BLM: variants seen among roughly 807,000 people sequenced by gnomAD.
The protein encoded by BLM is recQ-like DNA helicase BLM.
BLM carries 95 observed loss-of-function variants against 135.3 expected under a neutral mutation model. The observed-to-expected ratio is 0.70, with a 90% CI of 0.59 to 0.83. The LOEUF is 0.83. Among genes scored for constraint, BLM ranks in the 40% least tolerant of loss-of-function variants. The pLI is 0.00. For missense variants in BLM, 1,518 were observed against 1,663.9 expected, an observed-to-expected ratio of 0.91 and a Z score of 1.53; for synonymous variants, 520 against 589.2, an observed-to-expected ratio of 0.88 and a Z score of 1.70.
chr15:90,758,308 G>A (rs976552359), intron 5 of BLM, among the ~76,000 whole-genome samples: 5 of 152,058 alleles, frequency 3.3e-5, no homozygotes, highest in African/African-American at 1.2e-4. Flanking sequence ...GCCCAATGTG[G>A]CAAATCCCCA....
chr15:90,808,948 T>C (rs568127364), intron 19 of BLM, 189 bp from the exon 20 acceptor site: 3 of 717,554 alleles, frequency 4.2e-6, no homozygotes, highest in Non-Finnish European at 7.1e-6. Context: ...GATGGTGGGT[T>C]CCTGCCCTCT....
intron 19 of BLM, among the ~76,000 whole-genome samples, chr15:90,805,532 G>A (rs1329466185): frequency 6.6e-6 from 1 of 151,956 alleles, no homozygotes; most frequent in South Asian, 2.1e-4. Context: ...GCTCACGCCT[G>A]TAATCACAGC....
intron 10 of BLM, 22 bp from the exon 11 acceptor site, chr15:90,769,111 G>T (rs1351321599): frequency 6.5e-7 from 1 of 1,527,516 alleles, no homozygotes; most frequent in Non-Finnish European, 9.1e-7. Context: ...GTTTTTACAT[G>T]TCTAATGTAT....
chr15:90,810,393 T>A (rs892250409), intron 20 of BLM, among the ~76,000 whole-genome samples: 11 of 152,146 alleles, frequency 7.2e-5, no homozygotes, highest in Non-Finnish European at 1.0e-4. Flanking sequence ...ATTAGTCCAT[T>A]AAAAGCCTTG....
chr15:90,785,685 A>C lies in BLM; in HGVS notation c.2823+604A>C, dbSNP rs186118127. Reference sequence around the variant, plus strand: ...CAGCCTCCTGAGTAGATGGGATTACAGATGTGCGCCACCATGGCCAGCTGA... The same window carrying C: ...CAGCCTCCTGAGTAGATGGGATTACCGATGTGCGCCACCATGGCCAGCTGA... On this transcript the variant is annotated intron_variant, in intron 14 of 21. Transcript: ENST00000355112. Among the ~76,000 whole-genome samples, 196 of 152,142 alleles carry C rather than the reference A, an allele frequency of 1.3e-3. 7 individuals are homozygous for C. In the South Asian group the frequency reaches 0.032, roughly 25 times the overall value.
Position 90,815,596 on chromosome 15 carries a change from C to A in BLM, c.*317C>A. 2.8e-6 allele frequency: 1 copy of A among 356,142 alleles called. No individual in the cohort carries two copies. Among genetic ancestry groups the A allele is most frequent in the Non-Finnish European group, 5.2e-6 (1 of 193,746 alleles). 22.1% of individuals were successfully genotyped at this position (356,142 alleles called of 1,614,324 possible). On this transcript the variant is annotated 3_prime_UTR_variant, in exon 22 of 22. Transcript: ENST00000355112. The surrounding 1 kb of genome is among the most constrained non-coding windows in gnomAD (Gnocchi z 4.6). ...GCCAAAGGAAGAGCCACGCGTGGGC[C>A]CTTGTGAAACTAAAGCTTTTCGTGT...
chr15:90,732,631 T>C lies in BLM; in HGVS notation c.-4-14758T>C, dbSNP rs181667378. ...GTAAGGCACTAGTCAGGGGAAAATT[T>C]ATAATCTTCAGTACATATTATAAAT... On this transcript the variant is annotated intron_variant, in intron 1 of 21. Transcript: ENST00000355112. Among the ~76,000 whole-genome samples, 139 of 150,038 alleles carry C rather than the reference T, an allele frequency of 9.3e-4. 1 individual carries two copies. The highest frequency in any genetic ancestry group is 3.3e-3 in the African/African-American group (137 of 41,206).
chr15:90,741,213 T>A (rs1271274384), intron 1 of BLM, among the ~76,000 whole-genome samples: 14 of 152,236 alleles, frequency 9.2e-5, no homozygotes, highest in Non-Finnish European at 1.5e-4. Context: ...TCACTGCCCT[T>A]GATTTGTGAA....
intron 10 of BLM, among the ~76,000 whole-genome samples, chr15:90,768,273 A>G (rs1896194023): frequency 6.6e-6 from 1 of 151,958 alleles, no homozygotes; most frequent in South Asian, 2.1e-4. Context: ...CATGAACTCG[A>G]CTTCTTAATT....
chr15:90,725,034 G>A (rs1409416621), intron 1 of BLM, among the ~76,000 whole-genome samples: 1 of 152,104 alleles, frequency 6.6e-6, no homozygotes, highest in Admixed American at 6.6e-5. Context: ...TCAGCCTACT[G>A]AATAGCTGGG....
rs375841213 is a variant in BLM, at chr15:90,803,548, G to A, written c.3386G>A (p.Gly1129Asp). ...LGSKSAKIQS[G>D]IFGKGSAYSR... ...AGTAAGAGTGCAAAAATCCAGTCAG[G>A]TATATTTGGAAAAGGATCTGCTTAT... Residue 1129 changes from glycine (G) to aspartate (D), a missense_variant, in exon 18 of 22, where the codon GGT becomes GAT. Transcript: ENST00000355112. The A allele has an allele frequency of 1.2e-6, 2 of 1,613,788 alleles. No individual in the cohort carries two copies. The highest frequency in any genetic ancestry group is 1.7e-5 in the Admixed American group (1 of 60,006).
At chr15:90,767,245 T>G (rs2151164245) in intron 10 of BLM, among the ~76,000 whole-genome samples, 1 of 152,354 alleles carries the variant, frequency 6.6e-6, no homozygotes, top group East Asian at 1.9e-4. Context: ...GGTATCCTTT[T>G]AAGCCCTAAG....
chr15:90,802,101 A>G (rs1897179074), intron 17 of BLM, among the ~76,000 whole-genome samples: 1 of 152,298 alleles, frequency 6.6e-6, no homozygotes, highest in African/African-American at 2.4e-5. Flanking sequence ...AGTTGTCCTC[A>G]GCAGTAAGGT....
At position 90,782,966 on chromosome 15, in the gene BLM, A is replaced by G. The variant is rs778714281; in HGVS notation, c.2662+38A>G. The G allele has an allele frequency of 1.1e-5, 16 of 1,500,234 alleles. No individual in the cohort carries two copies. In the African/African-American group the frequency reaches 2.1e-4, roughly 19 times the overall value. The allele number at this position is 1,500,234 out of a possible 1,614,324, so 92.9% of individuals were successfully genotyped here. A position where few individuals can be genotyped will look rare whatever the true frequency, so the allele number is the denominator to read the frequency against. ...ATGTGATTAGCTGTCTAGAAGTAAC[A>G]AATGTCTTTTTAGTACCACAATAAG... On this transcript the variant is annotated intron_variant, in intron 13 of 21. Coordinates refer to ENST00000355112, the MANE Select transcript of BLM (RefSeq NM_000057.4).
chr15:90,804,473 GTT>G, intron 19 of BLM, 114 bp downstream of exon 19: 2 of 1,270,894 alleles, frequency 1.6e-6, no homozygotes, highest in South Asian at 2.4e-5. Flanking sequence ...TCTTTTTGGG[GTT>G]TGTTTTGAGA....
chr15:90,742,241 C>T (rs895217415), intron 1 of BLM, among the ~76,000 whole-genome samples: 1 of 152,158 alleles, frequency 6.6e-6, no homozygotes, highest in Non-Finnish European at 1.5e-5. Context: ...CTTAGTTAGG[C>T]TCACCACCTT....
In BLM at chr15:90,747,584, A is replaced by T. The variant is rs997686082; in HGVS notation, c.98+94A>T. The T allele has an allele frequency of 1.8e-5, 15 of 812,828 alleles. No individual in the cohort carries two copies. The African/African-American group carries it at 2.2e-4, about 12-fold the overall frequency. 50.4% of individuals were successfully genotyped at this position (812,828 alleles called of 1,614,324 possible). ...CTCTTTAAACTCCCCCATTGTACAG[A>T]TGAGGAAATGAAGCTGAGAGATTCA... is the stretch of plus-strand genomic sequence containing the variant. On this transcript the variant is annotated intron_variant, in intron 2 of 21. Transcript: ENST00000355112.
intron 3 of BLM, 135 bp from the exon 4 acceptor site, chr15:90,751,652 A>G (rs1409724886): frequency 1.4e-6 from 1 of 702,436 alleles, no homozygotes; most frequent in Non-Finnish European, 2.4e-6. Context: ...TTAGCATGTA[A>G]AGGGAGAGGA....
intron 14 of BLM, among the ~76,000 whole-genome samples, chr15:90,786,854 C>A (rs187384092): frequency 2.6e-5 from 4 of 151,880 alleles, no homozygotes; most frequent in Admixed American, 6.6e-5. Flanking sequence ...ACCTCATGAT[C>A]CGCCCACCTC....
Sources: allele counts gnomAD v4.1 joint callset (sites outside exome capture counted in the v4.1 genomes callset), GRCh38; gene constraint gnomAD v4.1.1; non-coding constraint Gnocchi (gnomAD v3.1); transcripts MANE v1.5; gene names NCBI Gene and HGNC (gene_info 2026-07-23, HGNC 2026-07-21).